PATJ: variants seen among roughly 807,000 people sequenced by gnomAD.
PATJ encodes the protein inaD-like protein.
PATJ carries 190 observed loss-of-function variants against 224.9 expected under a neutral mutation model. That is an observed-to-expected ratio of 0.84 (90% CI 0.75 to 0.95). The LOEUF (loss-of-function observed/expected upper bound fraction) is 0.95, where lower values mean the gene tolerates loss of function less well. PATJ is among the 40% of genes least tolerant of loss of function. The pLI is 0.00. For synonymous variants in PATJ, 769 were observed against 820.3 expected (o/e 0.94, Z 1.07); for missense variants, 2,121 against 2,270.3 (o/e 0.93, Z 1.34).
chr1:61,772,777 G>C (rs1646692926), intron 6 of PATJ, among the ~76,000 whole-genome samples: 1 of 152,144 alleles, frequency 6.6e-6, no homozygotes, highest in Non-Finnish European at 1.5e-5. Context: ...CCATATCCTA[G>C]TGGTGTCACA....
chr1:61,928,058 T>A (rs998097963), intron 27 of PATJ, among the ~76,000 whole-genome samples: 5 of 152,214 alleles, frequency 3.3e-5, no homozygotes, highest in Non-Finnish European at 7.3e-5. Flanking sequence ...ACACTATTTT[T>A]CCTATATTCC....
rs1479575456 is a variant in PATJ at position 61,775,282 on chromosome 1, A to T, written c.797A>T (p.Lys266Ile). The stretch of plus-strand genomic sequence containing the variant: ...CTAGGTTTTGGAATAGTTGGAGGAA[A>T]AACAAGTGGCGTGGTTGTGAGGACT... ...SGLGFGIVGG[K>I]TSGVVVRTIV... is the part of the protein sequence containing the mutation. Residue 266 changes from lysine (K) to isoleucine (I), a missense_variant, in exon 7 of 44, where the codon AAA (lysine) becomes ATA (isoleucine). By Grantham distance (102) the Lys-to-Ile change is moderately radical. Coordinates refer to ENST00000642238, the MANE Select transcript of PATJ (RefSeq NM_001350145.3). 3 of 1,614,050 alleles carry T rather than the reference A, an allele frequency of 1.9e-6. No individual in the cohort carries two copies. In the Admixed American group the frequency reaches 5.0e-5, roughly 27 times the overall value.
At chr1:62,159,503 AT>A (rs1669633062) in intron 43 of PATJ, among the ~76,000 whole-genome samples, 1 of 146,678 alleles carries the variant, frequency 6.8e-6, no homozygotes, top group Admixed American at 6.8e-5. Flanking sequence ...GTTGCAAGTT[AT>A]TAATATTTAG....
At chr1:61,886,146 G>A (rs1049988751) in intron 22 of PATJ, among the ~76,000 whole-genome samples, 1 of 151,660 alleles carries the variant, frequency 6.6e-6, no homozygotes, top group Admixed American at 6.6e-5. Context: ...ACTGCACATT[G>A]TGCACATGTA....
Position 62,159,666 on chromosome 1 carries a change from G to C in PATJ, c.5503-1242G>C, listed in dbSNP as rs192106888. ...CTCTGCAGGTTCAAGTGATCCTCCTGCCTCAGCCTCCCGAGGAGCTGGGAC... is the reference window on the plus strand; with the variant it reads ...CTCTGCAGGTTCAAGTGATCCTCCTCCCTCAGCCTCCCGAGGAGCTGGGAC... On this transcript the variant is annotated intron_variant, in intron 43 of 43. Transcript: ENST00000642238. 3.8e-3 allele frequency among the ~76,000 whole-genome samples: 567 copies of C among 150,110 alleles called. 7 individuals are homozygous for C. Among genetic ancestry groups the C allele is most frequent in the African/African-American group, 0.013 (535 of 40,800 alleles).
At chr1:61,991,767 G>C in intron 28 of PATJ, 1 of 980,356 alleles carries the variant, frequency 1.0e-6, no homozygotes, top group African/African-American at 1.7e-5. Flanking sequence ...ATGACCTTAT[G>C]TAACCAATAT....
At chr1:61,745,267 T>A (rs1028228657) in intron 1 of PATJ, among the ~76,000 whole-genome samples, 55 of 152,268 alleles carry the variant, frequency 3.6e-4, no homozygotes, top group African/African-American at 9.6e-4. Context: ...ATAATTTTTT[T>A]AAATATTTAT....
chr1:61,755,967 A>C (rs1207934047), intron 1 of PATJ, among the ~76,000 whole-genome samples: 1 of 152,006 alleles, frequency 6.6e-6, no homozygotes. Flanking sequence ...ACACCAAGCT[A>C]ATTTTTGTAT....
chr1:61,916,634 T>C (rs995526671), intron 26 of PATJ, among the ~76,000 whole-genome samples: 4 of 152,208 alleles, frequency 2.6e-5, no homozygotes, highest in Non-Finnish European at 5.9e-5. Context: ...GTCTGATGGG[T>C]TCATCTTACC....
chr1:61,978,388 T>TC (rs1644265946), intron 27 of PATJ, among the ~76,000 whole-genome samples: 1 of 151,678 alleles, frequency 6.6e-6, no homozygotes, highest in Non-Finnish European at 1.5e-5. Flanking sequence ...GCCTCAGCCT[T>TC]CCGAGTAGCT....
chr1:61,803,716 A>T (rs1652999124), intron 12 of PATJ, among the ~76,000 whole-genome samples: 1 of 152,186 alleles, frequency 6.6e-6, no homozygotes, highest in Admixed American at 6.5e-5. Flanking sequence ...GAAATATTTT[A>T]TGTGTGCTTT....
chr1:62,118,754 C>G (rs2481684), intron 37 of PATJ, among the ~76,000 whole-genome samples: 70,928 of 151,800 alleles, frequency 0.47, 18,928 homozygotes, highest in Non-Finnish European at 0.6. Context: ...CTCAGCCTCT[C>G]GAGTAGCTGG....
intron 27 of PATJ, among the ~76,000 whole-genome samples, chr1:61,969,063 C>T (rs1682576329): frequency 6.6e-6 from 1 of 152,132 alleles, no homozygotes; most frequent in African/African-American, 2.4e-5. Flanking sequence ...GGGTTTTCTT[C>T]CTTTTGAAGG....
intron 26 of PATJ, among the ~76,000 whole-genome samples, chr1:61,917,507 T>C (rs1673620828): frequency 6.6e-6 from 1 of 152,208 alleles, no homozygotes; most frequent in Admixed American, 6.5e-5. Context: ...AATCCTTTAA[T>C]GTAGTAAATT....
At chr1:61,830,291 A>T (rs926137227) in intron 16 of PATJ, among the ~76,000 whole-genome samples, 2 of 152,232 alleles carry the variant, frequency 1.3e-5, no homozygotes, top group African/African-American at 4.8e-5. Flanking sequence ...AATAACTGGA[A>T]TACAGCTAAC....
chr1:61,802,877 C>T (rs1652825784), intron 12 of PATJ, among the ~76,000 whole-genome samples: 2 of 152,100 alleles, frequency 1.3e-5, no homozygotes, highest in Non-Finnish European at 2.9e-5. Flanking sequence ...TGGAAAGCCT[C>T]GCCAGCTAAA....
chr1:62,019,202 A>C (rs1038191543), intron 29 of PATJ, among the ~76,000 whole-genome samples: 19 of 146,750 alleles, frequency 1.3e-4, no homozygotes, highest in Admixed American at 8.9e-4. Flanking sequence ...CTGAGATCGC[A>C]CCATTGCACT....
intron 31 of PATJ, among the ~76,000 whole-genome samples, chr1:62,074,264 A>G (rs977724014): frequency 1.3e-5 from 2 of 151,694 alleles, no homozygotes; most frequent in African/African-American, 2.4e-5. Flanking sequence ...GCTAAATGAC[A>G]AGTTAATGGG....
intron 28 of PATJ, among the ~76,000 whole-genome samples, chr1:62,012,967 C>T (rs984841734): frequency 2.0e-5 from 3 of 152,224 alleles, no homozygotes; most frequent in Non-Finnish European, 4.4e-5. Flanking sequence ...CACTGCATAG[C>T]AGAGTTTCTC....
Sources: allele counts gnomAD v4.1 joint callset (sites outside exome capture counted in the v4.1 genomes callset), GRCh38; gene constraint gnomAD v4.1.1; transcripts MANE v1.5; gene names NCBI Gene and HGNC (gene_info 2026-07-23, HGNC 2026-07-21).